DNAH11: variants seen among roughly 807,000 people sequenced by gnomAD.
DNAH11 encodes axonemal beta dynein heavy chain 11.
DNAH11 carries 442 observed loss-of-function variants against 526.0 expected under a neutral mutation model. The observed-to-expected ratio is 0.84, with a 90% confidence interval of 0.78 to 0.91. The LOEUF (loss-of-function observed/expected upper bound fraction) is 0.91, where lower values mean the gene tolerates loss of function less well. Among genes scored for constraint, DNAH11 ranks in the 40% least tolerant of loss-of-function variants. The pLI, the probability that DNAH11 is intolerant of heterozygous loss-of-function variation, is 0.00. For missense variants in DNAH11, 6,989 were observed against 5,448.7 expected, an observed-to-expected ratio of 1.28 and a Z score of -8.90; for synonymous variants, 2,461 against 1,935.9, an observed-to-expected ratio of 1.27 and a Z score of -7.12.
At chr7:21,896,590 A>C (rs1403298091) in intron 79 of DNAH11, among the ~76,000 whole-genome samples, 1 of 152,176 alleles carries the variant, frequency 6.6e-6, no homozygotes, top group Admixed American at 6.5e-5. Context: ...CATAGCTTTT[A>C]TTCTGAAAAA....
chr7:21,682,308 C>T (rs907147322), intron 31 of DNAH11, among the ~76,000 whole-genome samples: 3 of 152,084 alleles, frequency 2.0e-5, no homozygotes, highest in East Asian at 1.9e-4. Context: ...AGGCAGATCA[C>T]GAGGTCAGGA....
At chr7:21,649,495 A>G (rs540761334) in intron 28 of DNAH11, among the ~76,000 whole-genome samples, 36 of 152,344 alleles carry the variant, frequency 2.4e-4, no homozygotes, top group Admixed American at 2.4e-3. Flanking sequence ...GGTATACCAA[A>G]TAACATGAAT....
At chr7:21,808,361 G>A (rs1438789865) in intron 63 of DNAH11, among the ~76,000 whole-genome samples, 1 of 152,116 alleles carries the variant, frequency 6.6e-6, no homozygotes, top group Non-Finnish European at 1.5e-5. Context: ...TCTATCACCT[G>A]AAACATTTAT....
chr7:21,685,097 A>G (rs1218578163), intron 32 of DNAH11, among the ~76,000 whole-genome samples: 1 of 152,204 alleles, frequency 6.6e-6, no homozygotes, highest in East Asian at 1.9e-4. Context: ...TGTATTGTAT[A>G]GTTTCTATAA....
intron 36 of DNAH11, among the ~76,000 whole-genome samples, chr7:21,698,619 C>T (rs535571604): frequency 2.0e-5 from 3 of 152,314 alleles, no homozygotes; most frequent in Admixed American, 6.5e-5. Flanking sequence ...TCTCCACCTC[C>T]ATCCAGGTTG....
rs1418017536 is a variant in DNAH11, at chr7:21,749,707, T to G, written c.8703T>G (p.Thr2901=). ...ATCTTGCCAATTTGTACATCCGAAC[T>G]GGAGCCAAGAACATGCCCACTGTGT... ...RVDLANLYIR[T]GAKNMPTVFL... Residue 2901 remains threonine (T), a synonymous_variant, in exon 53 of 82, where the codon ACT becomes ACG. Coordinates refer to ENST00000409508, the MANE Select transcript of DNAH11 (RefSeq NM_001277115.2). The G allele has an allele frequency of 6.2e-7, 1 of 1,613,974 alleles. No individual in the cohort carries two copies. Among genetic ancestry groups the G allele is most frequent in the East Asian group, 2.2e-5 (1 of 44,868 alleles).
intron 28 of DNAH11, among the ~76,000 whole-genome samples, chr7:21,647,510 G>T (rs1164577024): frequency 6.8e-6 from 1 of 146,572 alleles, no homozygotes; most frequent in Admixed American, 7.0e-5. Context: ...GCTCACTGCA[G>T]GCTCCGCCTC....
intron 5 of DNAH11, 193 bp downstream of exon 5, chr7:21,561,363 G>T (rs551792262): frequency 1.6e-4 from 81 of 491,748 alleles, no homozygotes; most frequent in African/African-American, 1.2e-3. Flanking sequence ...AGTTTATCTG[G>T]TATATAGTAG....
chr7:21,689,446 G>T (rs4719672), intron 34 of DNAH11, among the ~76,000 whole-genome samples: 43,544 of 152,056 alleles, frequency 0.29, 6,306 homozygotes, highest in East Asian at 0.5. Flanking sequence ...TAAATTCTCT[G>T]TACACATGAA....
chr7:21,826,986 G>C (rs1790326936), intron 65 of DNAH11, among the ~76,000 whole-genome samples: 1 of 152,096 alleles, frequency 6.6e-6, no homozygotes. Context: ...ATTAATAATT[G>C]GAATGTTGTG....
rs147017639 is a variant in DNAH11, at chr7:21,669,963, A to C, written c.5328+10932A>C. On this transcript the variant is annotated intron_variant, in intron 30 of 81. Transcript: ENST00000409508. ...GTAGTAATCCTTAAAGTCATTTTAT[A>C]TATACCTTCCAACTTTGTTCATTAT... 4.7e-4 allele frequency among the ~76,000 whole-genome samples: 72 copies of C among 152,240 alleles called. 1 individual carries two copies. Among genetic ancestry groups the C allele is most frequent in the African/African-American group, 1.5e-3 (63 of 41,558 alleles).
At chr7:21,740,917 A>G (rs1417018455) in intron 48 of DNAH11, among the ~76,000 whole-genome samples, 1 of 152,178 alleles carries the variant, frequency 6.6e-6, no homozygotes, top group Non-Finnish European at 1.5e-5. Flanking sequence ...TTTTGACAGT[A>G]ATCATGCTAA....
chr7:21,564,925 C>A (rs73682620), intron 6 of DNAH11, among the ~76,000 whole-genome samples: 1 of 152,078 alleles, frequency 6.6e-6, no homozygotes, highest in Admixed American at 6.5e-5. Flanking sequence ...AAAAAAAGGA[C>A]CACCTTCCTC....
At chr7:21,571,731 T>C in intron 7 of DNAH11, 75 bp from the exon 8 acceptor site, 18 of 1,138,876 alleles carry the variant, frequency 1.6e-5, no homozygotes, top group Non-Finnish European at 2.1e-5. Context: ...CATTTGAAAA[T>C]GTTCTTGATT....
chr7:21,608,366 G>A (rs1177306328), intron 20 of DNAH11, among the ~76,000 whole-genome samples: 3 of 152,050 alleles, frequency 2.0e-5, no homozygotes, highest in African/African-American at 4.8e-5. Context: ...AAAATAATTG[G>A]GTGAAGTTTA....
chr7:21,876,960 A>G (rs534652244), intron 74 of DNAH11, among the ~76,000 whole-genome samples: 18 of 152,376 alleles, frequency 1.2e-4, no homozygotes, highest in African/African-American at 3.6e-4. Flanking sequence ...AAGGAAGGCA[A>G]TCAGCAGTCT....
At chr7:21,670,812 A>C (rs1035212446) in intron 30 of DNAH11, among the ~76,000 whole-genome samples, 1 of 152,000 alleles carries the variant, frequency 6.6e-6, no homozygotes, top group Non-Finnish European at 1.5e-5. Context: ...AGTTACGCCA[A>C]CTTTGCATTC....
chr7:21,564,693 C>A (rs905746753), intron 6 of DNAH11, among the ~76,000 whole-genome samples: 6 of 152,136 alleles, frequency 3.9e-5, no homozygotes, highest in Non-Finnish European at 8.8e-5. Context: ...ATGTGTAGTA[C>A]CTTCTTTGTA....
chr7:21,657,382 A>AG (rs774147267), intron 29 of DNAH11, among the ~76,000 whole-genome samples: 1 of 152,170 alleles, frequency 6.6e-6, no homozygotes, highest in Admixed American at 6.5e-5. Context: ...TTGTTGTTAT[A>AG]GGGGGTTGGT....
Sources: gnomAD v4.1 joint callset for allele counts (sites outside exome capture counted in the v4.1 genomes callset) on GRCh38, gnomAD v4.1.1 for gene constraint, MANE v1.5 for transcripts, NCBI Gene and HGNC (gene_info 2026-07-23, HGNC 2026-07-21) for gene names.